LRRTM3: variants seen among roughly 807,000 people sequenced by gnomAD.
LRRTM3 encodes the protein leucine-rich repeat transmembrane neuronal protein 3.
A neutral mutation model predicts 44.7 loss-of-function variants in LRRTM3; 24 were observed. That is an observed-to-expected ratio of 0.54 (90% CI 0.39 to 0.76). The LOEUF is 0.76. Ranked by LOEUF, LRRTM3 falls within the 30% of genes least tolerant of loss-of-function variation. LRRTM3 has a pLI of 0.00. For synonymous variants in LRRTM3, 277 were observed against 278.7 expected (o/e 0.99, Z 0.06); for missense variants, 587 against 702.2 (o/e 0.84, Z 1.85).
chr10:66,953,711 G>C (rs1351417868), intron 2 of LRRTM3, among the ~76,000 whole-genome samples: 1 of 152,020 alleles, frequency 6.6e-6, no homozygotes, highest in Non-Finnish European at 1.5e-5. Flanking sequence ...ATATCATCCA[G>C]ATTGTGCTTC....
At chr10:66,985,974 C>T (rs969468918) in intron 2 of LRRTM3, among the ~76,000 whole-genome samples, 3 of 152,120 alleles carry the variant, frequency 2.0e-5, no homozygotes, top group Non-Finnish European at 2.9e-5. Context: ...GATCCTCTGG[C>T]CTTGGCCTCC....
chr10:67,008,364 A>G (rs902014742), intron 2 of LRRTM3, among the ~76,000 whole-genome samples: 2 of 152,178 alleles, frequency 1.3e-5, no homozygotes, highest in Non-Finnish European at 2.9e-5. Context: ...TACATTGATT[A>G]AAGATTTATA....
chr10:66,933,645 T>C (rs542927669), intron 2 of LRRTM3, among the ~76,000 whole-genome samples: 1 of 152,332 alleles, frequency 6.6e-6, no homozygotes, highest in South Asian at 2.1e-4. Flanking sequence ...AGTGGAAGAC[T>C]GTGCCCAAGA....
intron 2 of LRRTM3, among the ~76,000 whole-genome samples, chr10:66,996,047 T>C (rs531496004): frequency 2.0e-5 from 3 of 152,346 alleles, no homozygotes; most frequent in East Asian, 3.9e-4. Context: ...TTTTACCTAC[T>C]TATTTACATA....
At chr10:66,984,905 T>C (rs1021251961) in intron 2 of LRRTM3, among the ~76,000 whole-genome samples, 1 of 152,202 alleles carries the variant, frequency 6.6e-6, no homozygotes, top group Non-Finnish European at 1.5e-5. Flanking sequence ...GCTTTTTTTT[T>C]GTTTAAGTAC....
In LRRTM3 at chr10:66,985,963, T is replaced by C. The variant is rs543250455; in HGVS notation, c.1536+57511T>C. On this transcript the variant is annotated intron_variant, in intron 2 of 2. Transcript: ENST00000361320. ...GGATGGTCTCGATCTCCTGACCTCA[T>C]GATCCTCTGGCCTTGGCCTCCAAAA... Among the ~76,000 whole-genome samples the C allele has an allele frequency of 3.3e-5, 5 of 152,206 alleles. No homozygotes were observed. In the South Asian group the frequency reaches 1.0e-3, roughly 32 times the overall value.
intron 2 of LRRTM3, among the ~76,000 whole-genome samples, chr10:66,983,064 AG>A (rs1320152684): frequency 1.3e-5 from 2 of 152,240 alleles, no homozygotes; most frequent in Admixed American, 1.3e-4. Context: ...CTGGTCAAGC[AG>A]GGGTTTTTTG....
In LRRTM3 at chr10:66,941,167, T is replaced by C. The variant is rs77931227; in HGVS notation, c.1536+12715T>C. Among the ~76,000 whole-genome samples, 346 of 152,328 alleles carry C rather than the reference T, an allele frequency of 2.3e-3. 4 individuals carry two copies. The highest frequency in any genetic ancestry group is 8.0e-3 in the African/African-American group (331 of 41,588). ...GACAATATTTCCTCAGCTGAGTCGG[T>C]TAATTAAAATGCACAGTTACAACAG... On this transcript the variant is annotated intron_variant, in intron 2 of 2. Transcript: ENST00000361320.
rs201679741 is a variant in LRRTM3 at position 66,928,131 on chromosome 10, C to T, written c.1215C>T (p.Gly405=). 3.7e-6 allele frequency: 6 copies of T among 1,613,956 alleles called. No homozygotes were observed. The Admixed American group carries it at 8.3e-5, about 22-fold the overall frequency. The change falls in exon 2 of 3, where the codon GGC becomes GGT. Residue 405 remains glycine, a synonymous_variant. Transcript: ENST00000361320. ...LPPTVGATEP[G]PETDADAEHI... is the part of the protein sequence containing the mutation. ...CGACGGTGGGAGCCACAGAGCCCGG[C>T]CCAGAGACCGATGCTGACGCCGAGC...
chr10:66,943,296 T>A (rs907433324), intron 2 of LRRTM3, among the ~76,000 whole-genome samples: 6 of 146,732 alleles, frequency 4.1e-5, no homozygotes, highest in Non-Finnish European at 1.5e-5. Context: ...CATTAGTTAA[T>A]TAGTTAGTTA....
At chr10:67,052,208 T>G (rs1440893493) in intron 2 of LRRTM3, among the ~76,000 whole-genome samples, 4 of 152,172 alleles carry the variant, frequency 2.6e-5, no homozygotes, top group Non-Finnish European at 5.9e-5. Flanking sequence ...AAAAGTCAAT[T>G]ATTTTTAACT....
In LRRTM3 at chr10:67,017,513, T is replaced by C. The variant is rs78279623; in HGVS notation, c.1537-80074T>C. ...ACAATCTATCTTTTGTGTACCACAC[T>C]GGGAACCACAATCCATCCTCTATGG... On this transcript the variant is annotated intron_variant, in intron 2 of 2. Coordinates refer to ENST00000361320, the MANE Select transcript of LRRTM3 (RefSeq NM_178011.5). 2.3e-3 allele frequency among the ~76,000 whole-genome samples: 357 copies of C among 152,304 alleles called. 4 individuals carry two copies. The highest frequency in any genetic ancestry group is 8.0e-3 in the African/African-American group (331 of 41,578).
chr10:66,940,914 A>G (rs562775788), intron 2 of LRRTM3, among the ~76,000 whole-genome samples: 19 of 152,362 alleles, frequency 1.2e-4, no homozygotes, highest in Non-Finnish European at 2.4e-4. Context: ...AACAGTATGC[A>G]GCCTGCAGTA....
chr10:67,059,638 T>C (rs1273711580), intron 2 of LRRTM3, among the ~76,000 whole-genome samples: 1 of 152,188 alleles, frequency 6.6e-6, no homozygotes, highest in Non-Finnish European at 1.5e-5. Flanking sequence ...TGTTCTGATC[T>C]TGAGAAAGTA....
intron 2 of LRRTM3, among the ~76,000 whole-genome samples, chr10:66,967,952 T>G (rs1174984584): frequency 6.6e-6 from 1 of 152,130 alleles, no homozygotes; most frequent in Non-Finnish European, 1.5e-5. Flanking sequence ...GAATGCTTTT[T>G]GATGAATGGG....
rs1207318988 is a variant in LRRTM3 at position 66,927,659 on chromosome 10, T to C, written c.743T>C (p.Met248Thr). The C allele has an allele frequency of 1.9e-6, 3 of 1,614,182 alleles. No individual in the cohort carries two copies. Among genetic ancestry groups the C allele is most frequent in the Non-Finnish European group, 2.5e-6 (3 of 1,180,030 alleles). ...WNKISVIGQT[M>T]SWTWSSLQRL... Reference sequence around the variant, plus strand: ...AAAATCAGTGTCATAGGACAGACCATGTCCTGGACCTGGAGCTCCTTACAA... The same window carrying C: ...AAAATCAGTGTCATAGGACAGACCACGTCCTGGACCTGGAGCTCCTTACAA... The change falls in exon 2 of 3, where the codon ATG becomes ACG. Residue 248 changes from methionine to threonine, a missense_variant. Met to Thr is a moderately conservative substitution (Grantham distance 81, BLOSUM62 -1). Transcript: ENST00000361320. This position sits in a 1 kb window ranked among gnomAD's most constrained non-coding sequence, Gnocchi z 4.7.
intron 2 of LRRTM3, among the ~76,000 whole-genome samples, chr10:67,094,490 GA>G (rs975554197): frequency 1.3e-5 from 2 of 151,660 alleles, no homozygotes; most frequent in Admixed American, 1.3e-4. Flanking sequence ...TAATTAAAAA[GA>G]AAATTACTGG....
At chr10:67,087,511 C>T (rs914099079) in intron 2 of LRRTM3, among the ~76,000 whole-genome samples, 1 of 151,396 alleles carries the variant, frequency 6.6e-6, no homozygotes, top group Non-Finnish European at 1.5e-5. Context: ...CATACCTTCT[C>T]TAATATAAAT....
intron 2 of LRRTM3, among the ~76,000 whole-genome samples, chr10:67,049,758 G>A (rs1854968707): frequency 6.6e-6 from 1 of 152,134 alleles, no homozygotes. Flanking sequence ...AATTACTACT[G>A]CACAGATTCT....
Sources: gnomAD v4.1 joint callset for allele counts (sites outside exome capture counted in the v4.1 genomes callset) on GRCh38, gnomAD v4.1.1 for gene constraint, Gnocchi (gnomAD v3.1) non-coding constraint, MANE v1.5 for transcripts, NCBI Gene and HGNC (gene_info 2026-07-23, HGNC 2026-07-21) for gene names.